ARHGAP26: variants seen among roughly 807,000 people sequenced by gnomAD.
The protein encoded by ARHGAP26 is rho GTPase-activating protein 26.
A neutral mutation model predicts 104.8 loss-of-function variants in ARHGAP26; 38 were observed. That is an observed-to-expected ratio of 0.36 (90% CI 0.28 to 0.48). The LOEUF (loss-of-function observed/expected upper bound fraction) is 0.48. Ranked by LOEUF, ARHGAP26 falls within the 20% of genes least tolerant of loss-of-function variation. The pLI is 0.99. For missense variants in ARHGAP26, 704 were observed against 947.9 expected (o/e 0.74, Z 3.38); for synonymous variants, 341 against 340.0 (o/e 1.00, Z -0.03).
chr5:142,969,948 G>C (rs907733106), intron 11 of ARHGAP26, among the ~76,000 whole-genome samples: 5 of 152,156 alleles, frequency 3.3e-5, no homozygotes, highest in East Asian at 1.9e-4. Context: ...ATATTTTTGA[G>C]GTTGGGGATG....
At chr5:142,969,928 G>A (rs1365928628) in intron 11 of ARHGAP26, among the ~76,000 whole-genome samples, 1 of 152,138 alleles carries the variant, frequency 6.6e-6, no homozygotes, top group East Asian at 1.9e-4. Flanking sequence ...TGTTGTTGTT[G>A]TTGTTCTTGA....
chr5:142,835,681 C>G (rs1769411350), intron 1 of ARHGAP26, among the ~76,000 whole-genome samples: 1 of 152,064 alleles, frequency 6.6e-6, no homozygotes, highest in Non-Finnish European at 1.5e-5. Flanking sequence ...CATGGAGTTC[C>G]CTGAGCTTAG....
At chr5:142,906,186 G>A (rs434456) in intron 8 of ARHGAP26, among the ~76,000 whole-genome samples, 41,116 of 152,024 alleles carry the variant, frequency 0.27, 6,552 homozygotes, top group East Asian at 0.74. Context: ...GTGTCGACCT[G>A]CCCCTCAGTG....
intron 11 of ARHGAP26, among the ~76,000 whole-genome samples, chr5:142,959,595 T>C (rs1769858972): frequency 6.6e-6 from 1 of 152,246 alleles, no homozygotes; most frequent in Non-Finnish European, 1.5e-5. Context: ...GGCTCCTCCA[T>C]GTTCAAGCCA....
chr5:142,775,564 ATTACT>A (rs1756144448), intron 1 of ARHGAP26, among the ~76,000 whole-genome samples: 2 of 152,180 alleles, frequency 1.3e-5, no homozygotes, highest in African/African-American at 4.8e-5. Context: ...ATGTTGTATA[ATTACT>A]ATCTCTTTCG....
chr5:143,187,469 G>A (rs545583800), intron 20 of ARHGAP26, among the ~76,000 whole-genome samples: 1 of 152,268 alleles, frequency 6.6e-6, no homozygotes, highest in Admixed American at 6.5e-5. Flanking sequence ...CAAATTTTCT[G>A]GAAGTCTGCT....
At chr5:142,999,115 C>G (rs1038155893) in intron 11 of ARHGAP26, among the ~76,000 whole-genome samples, 1 of 152,126 alleles carries the variant, frequency 6.6e-6, no homozygotes, top group African/African-American at 2.4e-5. Flanking sequence ...GTTTCAGGCC[C>G]CCCTTTTGAT....
chr5:143,167,758 A>G (rs1454041909), intron 20 of ARHGAP26, among the ~76,000 whole-genome samples: 2 of 152,182 alleles, frequency 1.3e-5, no homozygotes, highest in Admixed American at 6.5e-5. Flanking sequence ...AATATCCAGC[A>G]GCCGTGTTCT....
intron 7 of ARHGAP26, among the ~76,000 whole-genome samples, chr5:142,902,521 G>C (rs1340219607): frequency 6.6e-6 from 1 of 152,258 alleles, no homozygotes; most frequent in Non-Finnish European, 1.5e-5. Flanking sequence ...TTCGCTCCCA[G>C]TGTGGTCAGC....
At chr5:143,164,045 CTTT>C (rs543247118) in intron 20 of ARHGAP26, among the ~76,000 whole-genome samples, 1 of 140,420 alleles carries the variant, frequency 7.1e-6, no homozygotes, top group Non-Finnish European at 1.6e-5. Flanking sequence ...TGTATTTGTT[CTTT>C]TTTTTTTTTT....
chr5:142,870,155 G>C (rs1050102092), intron 1 of ARHGAP26, among the ~76,000 whole-genome samples: 2 of 152,128 alleles, frequency 1.3e-5, no homozygotes, highest in African/African-American at 4.8e-5. Context: ...TATATGAGGA[G>C]GGTGCCACGA....
chr5:142,806,800 A>G (rs1763079113), intron 1 of ARHGAP26, among the ~76,000 whole-genome samples: 1 of 152,218 alleles, frequency 6.6e-6, no homozygotes, highest in South Asian at 2.1e-4. Context: ...GGTAGTACAA[A>G]GAAGCCAGAA....
chr5:143,135,315 C>A (rs1797787680), intron 19 of ARHGAP26, among the ~76,000 whole-genome samples: 1 of 152,132 alleles, frequency 6.6e-6, no homozygotes, highest in African/African-American at 2.4e-5. Flanking sequence ...GATTAAGGCC[C>A]TTCAAATGTT....
chr5:142,783,346 A>G (rs1007680802), intron 1 of ARHGAP26, among the ~76,000 whole-genome samples: 1 of 152,202 alleles, frequency 6.6e-6, no homozygotes, highest in Non-Finnish European at 1.5e-5. Flanking sequence ...TTGCCAGCGG[A>G]TGTGGGGGAG....
chr5:142,860,445 A>G (rs1420560551), intron 1 of ARHGAP26: 1 of 152,214 alleles, frequency 6.6e-6, no homozygotes, highest in East Asian at 1.9e-4. Flanking sequence ...CTAGGACTGT[A>G]GTCCAAGAGT....
intron 4 of ARHGAP26, among the ~76,000 whole-genome samples, chr5:142,879,804 A>G (rs1168767202): frequency 6.6e-6 from 1 of 152,050 alleles, no homozygotes; most frequent in Non-Finnish European, 1.5e-5. Flanking sequence ...GTTTTCGTGG[A>G]ATTGTATTTT....
At chr5:142,775,835 A>G (rs1041961290) in intron 1 of ARHGAP26, among the ~76,000 whole-genome samples, 9 of 152,186 alleles carry the variant, frequency 5.9e-5, no homozygotes, top group African/African-American at 1.7e-4. Flanking sequence ...TAAATATCTT[A>G]TTGTTGAGTT....
intron 20 of ARHGAP26, among the ~76,000 whole-genome samples, chr5:143,204,140 A>G (rs1444124990): frequency 6.6e-6 from 1 of 152,248 alleles, no homozygotes; most frequent in African/African-American, 2.4e-5. Flanking sequence ...CATAGTGGTA[A>G]TAAATGTTAA....
intron 22 of ARHGAP26, chr5:143,216,039 A>G: frequency 2.6e-6 from 1 of 382,696 alleles, no homozygotes; most frequent in South Asian, 2.0e-5. Flanking sequence ...ACTGTTTCAC[A>G]AAGAAGTTGC....
Sources: allele counts gnomAD v4.1 joint callset (sites outside exome capture counted in the v4.1 genomes callset), GRCh38; gene constraint gnomAD v4.1.1; transcripts MANE v1.5; gene names NCBI Gene and HGNC (gene_info 2026-07-23, HGNC 2026-07-21).